The following ARHGAP33 variants were observed in gnomAD, a reference collection of about 807,000 sequenced individuals.
ARHGAP33 encodes Rho GTPase activating protein 33, also known as rho GTPase-activating protein 33.
A neutral mutation model predicts 126.2 loss-of-function variants in ARHGAP33; 57 were observed. The observed-to-expected ratio is 0.45, with a 90% CI of 0.36 to 0.56. The LOEUF (loss-of-function observed/expected upper bound fraction) is 0.56. Ranked by LOEUF, ARHGAP33 falls within the 20% of genes least tolerant of loss-of-function variation. The probability of loss-of-function intolerance (pLI) is 0.00; values close to 1 mark genes in which losing one functional copy is unlikely to be tolerated. For synonymous variants in ARHGAP33, 711 were observed against 755.0 expected (o/e 0.94, Z 0.95); for missense variants, 1,500 against 1,748.3 (o/e 0.86, Z 2.53).
At position 35,787,457 on chromosome 19, in the gene ARHGAP33, G is replaced by T; in HGVS notation, c.2892G>T (p.Pro964=). Residue 964 remains proline, a synonymous_variant, in exon 21 of 21, where the codon CCG becomes CCT. Coordinates refer to ENST00000007510, the MANE Select transcript of ARHGAP33 (RefSeq NM_001366178.1). ...TAGCACACCCGGGTGCCTGGGTCCC[G>T]GGACCCCCACCCTACTTACCAAGGC... The part of the protein sequence containing the change: ...NSLAHPGAWV[P]GPPPYLPRQQ... 1 of 1,612,106 alleles carries T rather than the reference G, an allele frequency of 6.2e-7. No individual in the cohort carries two copies. The highest frequency in any genetic ancestry group is 8.5e-7 in the Non-Finnish European group (1 of 1,179,310).
rs1489460203 is a variant in ARHGAP33, at chr19:35,788,239, C to T, written c.3674C>T (p.Pro1225Leu). The T allele has an allele frequency of 6.2e-7, 1 of 1,609,320 alleles. No individual in the cohort carries two copies. The highest frequency in any genetic ancestry group is 1.7e-5 in the Admixed American group (1 of 59,084). ...CGTACCCCTCATAGGGTGCCGGGTC[C>T]CTGGGGCCCTCCTGAGCCTCTCCTG... ...GPRTPHRVPG[P>L]WGPPEPLLLY... The change falls in exon 21 of 21, where the codon CCC (proline) becomes CTC (leucine). Residue 1225 changes from proline to leucine, a missense_variant. This residue lies in a region of ARHGAP33 where 642 missense variants were observed against 634.0 expected (regional missense o/e 1.01). Coordinates refer to ENST00000007510, the MANE Select transcript of ARHGAP33 (RefSeq NM_001366178.1).
At chr19:35,783,247 G>A (rs901347556) in intron 15 of ARHGAP33, among the ~76,000 whole-genome samples, 1 of 152,188 alleles carries the variant, frequency 6.6e-6, no homozygotes, top group African/African-American at 2.4e-5. Context: ...TAAGCCTGGA[G>A]GATTTGATGG....
rs1433430590 is a variant in ARHGAP33 at position 35,786,648 on chromosome 19, C to T, written c.2178C>T (p.Phe726=). 2 of 1,535,752 alleles carry T rather than the reference C, an allele frequency of 1.3e-6. No individual in the cohort carries two copies. The highest frequency in any genetic ancestry group is 1.7e-6 in the Non-Finnish European group (2 of 1,146,802). ...AWLDDGDELD[F]SPPRCLEGLR... ...TAGATGATGGTGATGAGCTGGACTT[C>T]AGCCCACCCCGCTGCCTGGAGGGAC... Residue 726 remains phenylalanine, a synonymous_variant, in exon 20 of 21, where the codon TTC becomes TTT. Transcript: ENST00000007510. This position sits in a 1 kb window ranked among gnomAD's most constrained non-coding sequence, Gnocchi z 7.0.
chr19:35,778,647 A>C, intron 5 of ARHGAP33, 46 bp downstream of exon 5: 3 of 1,584,694 alleles, frequency 1.9e-6, no homozygotes, highest in Non-Finnish European at 2.6e-6. Context: ...GTGTGTCCTC[A>C]TCCACAGTGT....
chr19:35,780,170 G>A lies in ARHGAP33; in HGVS notation c.502-41G>A, dbSNP rs544650136. 28 of 1,605,790 alleles carry A rather than the reference G, an allele frequency of 1.7e-5. No individual in the cohort carries two copies. In the East Asian group the frequency reaches 3.8e-4, roughly 22 times the overall value. ...AGCTTGGTATGCCTGCACTAACACC[G>A]TCTTCTGACCTGTCCTTGCCACATT... On this transcript the variant is annotated intron_variant, in intron 6 of 20. Transcript: ENST00000007510.
At position 35,782,604 on chromosome 19, in the gene ARHGAP33, T is replaced by C; in HGVS notation, c.1238T>C (p.Met413Thr). 1 of 1,613,818 alleles carries C rather than the reference T, an allele frequency of 6.2e-7. No individual in the cohort carries two copies. Among genetic ancestry groups the C allele is most frequent in the Non-Finnish European group, 8.5e-7 (1 of 1,179,934 alleles). Reference protein sequence around the residue: ...YQLYGKFSEAMSVPGEEERLV... With the variant: ...YQLYGKFSEATSVPGEEERLV... ...ACCTGCCCACCATCTCAGGAGGCCA[T>C]GTCAGTGCCTGGGGAGGAGGAGCGT... The change falls in exon 14 of 21, where the codon ATG becomes ACG. Residue 413 changes from methionine to threonine, a missense_variant. This residue lies in a region of ARHGAP33 where 281 missense variants were observed against 413.7 expected (regional missense o/e 0.68). Coordinates refer to ENST00000007510, the MANE Select transcript of ARHGAP33 (RefSeq NM_001366178.1). The surrounding 1 kb of genome is among the most constrained non-coding windows in gnomAD (Gnocchi z 4.1).
chr19:35,785,904 T>A, intron 19 of ARHGAP33: 1 of 1,087,644 alleles, frequency 9.2e-7, no homozygotes, highest in Non-Finnish European at 1.1e-6. Context: ...AGGATCATAC[T>A]GCTCAGTTCT....
chr19:35,780,118 G>T, intron 6 of ARHGAP33, 93 bp from the exon 7 acceptor site: 2 of 1,528,044 alleles, frequency 1.3e-6, no homozygotes, highest in Non-Finnish European at 8.9e-7. Flanking sequence ...TGACGGGGGC[G>T]GGCAGTGGCC....
chr19:35,777,792 G>T (rs756271804), intron 2 of ARHGAP33, 32 bp from the exon 3 acceptor site: 12 of 1,613,856 alleles, frequency 7.4e-6, no homozygotes, highest in African/African-American at 1.3e-5. Context: ...GAGACTCAAG[G>T]AGCTGCTGGT....
chr19:35,780,103 G>T (rs766630399), intron 6 of ARHGAP33, 108 bp from the exon 7 acceptor site: 128 of 1,446,678 alleles, frequency 8.8e-5, no homozygotes, highest in Non-Finnish European at 1.2e-4. Flanking sequence ...AGTGACAGGG[G>T]CTCTTGACGG....
At position 35,778,299 on chromosome 19, in the gene ARHGAP33, G is replaced by C; in HGVS notation, c.209G>C (p.Arg70Pro). 6.2e-7 allele frequency: 1 copy of C among 1,614,172 alleles called. No individual in the cohort carries two copies. The highest frequency in any genetic ancestry group is 1.1e-5 in the South Asian group (1 of 91,086). ...GHIQLLLSPD[R>P]EGPSLSGENE... ...CTGCAGCTCCTGCTGTCTCCAGACC[G>C]TGAAGGGCCCAGCCTCTCTGGAGAG... The change falls in exon 4 of 21, where the codon CGT becomes CCT. Residue 70 changes from arginine to proline, a missense_variant. This residue lies in a region of ARHGAP33 where 129 missense variants were observed against 145.9 expected (regional missense o/e 0.88). Transcript: ENST00000007510.
Position 35,782,654 on chromosome 19 carries a change from C to T in ARHGAP33, c.1288C>T (p.Gln430Ter). 6.2e-7 allele frequency: 1 copy of T among 1,613,348 alleles called. No homozygotes were observed. The highest frequency in any genetic ancestry group is 8.5e-7 in the Non-Finnish European group (1 of 1,179,756). ...ERLVRVHDVI[Q>*]QLPPPHYRTL... Reference sequence around the variant, plus strand: ...TCTGGTGCGGGTGCACGATGTCATCCAGCAGCTGCCCCCACCACATTACAG... The same window carrying T: ...TCTGGTGCGGGTGCACGATGTCATCTAGCAGCTGCCCCCACCACATTACAG... Residue 430 changes from glutamine (Q) to a stop codon, truncating the protein, a stop_gained, in exon 14 of 21, where the codon CAG (glutamine) becomes TAG (stop). Coordinates refer to ENST00000007510, the MANE Select transcript of ARHGAP33 (RefSeq NM_001366178.1). LOFTEE classifies it high-confidence loss of function. This position sits in a 1 kb window ranked among gnomAD's most constrained non-coding sequence, Gnocchi z 4.1.
At chr19:35,777,544 G>C (rs1971521286) in intron 1 of ARHGAP33, 101 bp from the exon 2 acceptor site, 3 of 934,992 alleles carry the variant, frequency 3.2e-6, no homozygotes, top group Non-Finnish European at 5.0e-6. Flanking sequence ...AGGGCGGTGT[G>C]TGGAGCGCCC....
At chr19:35,780,160 C>T (rs2146698030) in intron 6 of ARHGAP33, 51 bp from the exon 7 acceptor site, 1 of 1,601,466 alleles carries the variant, frequency 6.2e-7, no homozygotes. Context: ...GGTATGCCTG[C>T]ACTAACACCG....
At chr19:35,785,945 T>C in intron 19 of ARHGAP33, 1 of 1,064,746 alleles carries the variant, frequency 9.4e-7, no homozygotes, top group East Asian at 7.9e-5. Flanking sequence ...TTAAAGGGCG[T>C]TGTAAGAAAG....
At chr19:35,784,582 T>G in intron 16 of ARHGAP33, 1 of 1,311,126 alleles carries the variant, frequency 7.6e-7, no homozygotes, top group Non-Finnish European at 9.7e-7. Context: ...GGGCCATGGG[T>G]CCACCTGGGA....
Position 35,782,971 on chromosome 19 carries a change from T to C in ARHGAP33, c.1421+102T>C. On this transcript the variant is annotated intron_variant, in intron 15 of 20. Transcript: ENST00000007510. This position sits in a 1 kb window ranked among gnomAD's most constrained non-coding sequence, Gnocchi z 4.1. ...TGTTTATTCATCGAATACGTGTCTA[T>C]CAAATACCTCCCATGGACCTGGCCC... 3 of 1,011,336 alleles carry C rather than the reference T, an allele frequency of 3.0e-6. No individual in the cohort carries two copies. Among genetic ancestry groups the C allele is most frequent in the Non-Finnish European group, 4.4e-6 (3 of 681,878 alleles). 62.6% of individuals were successfully genotyped at this position (1,011,336 alleles called of 1,614,324 possible). A position where few individuals can be genotyped will look rare whatever the true frequency, so the allele number is the denominator to read the frequency against.
At chr19:35,784,818 A>C (rs1409740890) in intron 16 of ARHGAP33, 135 bp from the exon 17 acceptor site, 3 of 1,314,966 alleles carry the variant, frequency 2.3e-6, no homozygotes, top group Non-Finnish European at 2.9e-6. Context: ...CTCCCGCCTG[A>C]TCCGCCCCGG....
chr19:35,778,549 T>G lies in ARHGAP33; in HGVS notation c.356T>G (p.Phe119Cys), dbSNP rs1334998823. The change falls in exon 5 of 21, where the codon TTC becomes TGC. Residue 119 changes from phenylalanine to cysteine, a missense_variant. Around this residue, in one of 6 missense-constraint regions of ARHGAP33, gnomAD observed 75 missense variants for 152.7 expected, o/e 0.49. Transcript: ENST00000007510. Reference sequence around the variant, plus strand: ...CACCGGTGCATATTTGACCGGAGGTTCTCCTGCCTTCCGGAGCTTCCCCCG... The same window carrying G: ...CACCGGTGCATATTTGACCGGAGGTGCTCCTGCCTTCCGGAGCTTCCCCCG... ...HLHRCIFDRR[F>C]SCLPELPPPP... The G allele has an allele frequency of 6.2e-7, 1 of 1,614,128 alleles. No individual in the cohort carries two copies. The highest frequency in any genetic ancestry group is 8.5e-7 in the Non-Finnish European group (1 of 1,180,012).
Sources: allele counts gnomAD v4.1 joint callset (sites outside exome capture counted in the v4.1 genomes callset), GRCh38; gene constraint gnomAD v4.1.1; regional missense constraint gnomAD v4.1.1; non-coding constraint Gnocchi (gnomAD v3.1); transcripts MANE v1.5; gene names NCBI Gene and HGNC (gene_info 2026-07-23, HGNC 2026-07-21).